Variants in FAM209A observed in about 807,000 individuals in gnomAD.
FAM209A encodes family with sequence similarity 209 member A, also known as protein FAM209A.
FAM209A carries 4 observed loss-of-function variants against 9.8 expected under a neutral mutation model. The observed-to-expected ratio is 0.41, with a 90% CI of 0.20 to 0.94. FAM209A has a LOEUF of 0.94. Among genes scored for constraint, FAM209A ranks in the 40% least tolerant of loss-of-function variants. The pLI is 0.32. For synonymous variants in FAM209A, 55 were observed against 77.8 expected (o/e 0.71, Z 1.54); for missense variants, 205 against 209.4 (o/e 0.98, Z 0.13).
chr20:56,533,068 G>A, the FAM209A span: 2 of 809,468 alleles, frequency 2.5e-6, no homozygotes, highest in Non-Finnish European at 3.0e-6. Context: ...CTCGAGGGTT[G>A]GAAAGAGTCC....
chr20:56,528,302 A>C (rs933785794), downstream of FAM209A, among the ~76,000 whole-genome samples: 1 of 151,066 alleles, frequency 6.6e-6, no homozygotes, highest in African/African-American at 2.4e-5. Flanking sequence ...AATAAAAATA[A>C]TGTTTGGGGG....
chr20:56,525,782 C>A (rs1358307675), intron 1 of FAM209A, 22 bp from the exon 2 acceptor site: 1 of 1,608,758 alleles, frequency 6.2e-7, no homozygotes, highest in South Asian at 1.1e-5. Context: ...ATATTACTGA[C>A]CTTGAGTATC....
the FAM209A span, among the ~76,000 whole-genome samples, chr20:56,531,298 TG>T: frequency 1.3e-5 from 2 of 148,852 alleles, no homozygotes; most frequent in African/African-American, 2.5e-5. Flanking sequence ...CTTCTTTCTT[TG>T]TTTTTTTTTT....
chr20:56,526,255 C>T, downstream of FAM209A: 1 of 793,256 alleles, frequency 1.3e-6, no homozygotes, highest in Non-Finnish European at 1.9e-6. Flanking sequence ...TTGCCTCTCT[C>T]ACGTCATCTA....
downstream of FAM209A, among the ~76,000 whole-genome samples, chr20:56,526,491 T>A (rs564111573): frequency 4.6e-5 from 7 of 152,140 alleles, no homozygotes; most frequent in Admixed American, 1.3e-4. Context: ...ATGATAGTTT[T>A]AAAATGGTAA....
chr20:56,524,970 C>T lies in FAM209A; in HGVS notation c.162C>T (p.Gly54=). 6.2e-7 allele frequency: 1 copy of T among 1,614,224 alleles called. No homozygotes were observed. Among genetic ancestry groups the T allele is most frequent in the Non-Finnish European group, 8.5e-7 (1 of 1,180,048 alleles). The change falls in exon 1 of 2, where the codon GGC becomes GGT. Residue 54 remains glycine (G), a synonymous_variant. Coordinates refer to ENST00000371328, the MANE Select transcript of FAM209A (RefSeq NM_001012971.4). ...AGAATCTACCAGAGCACACCCAAGGCTGGCTTGGGAGCAAATGGCTCTGGC... is the reference window on the plus strand; with the variant it reads ...AGAATCTACCAGAGCACACCCAAGGTTGGCTTGGGAGCAAATGGCTCTGGC... The part of the protein sequence containing the change: ...IRQNLPEHTQ[G]WLGSKWLWLL...
At chr20:56,531,376 G>A in the FAM209A span, among the ~76,000 whole-genome samples, 277 of 146,640 alleles carry the variant, frequency 1.9e-3, 3 homozygotes, top group African/African-American at 6.0e-3. Flanking sequence ...TCAGCTCACC[G>A]CAACCTCTGC....
downstream of FAM209A, among the ~76,000 whole-genome samples, chr20:56,530,523 A>G (rs1985706115): frequency 6.6e-6 from 1 of 152,018 alleles, no homozygotes; most frequent in Non-Finnish European, 1.5e-5. Context: ...TTAGAGACAG[A>G]GTCTTGCTCT....
downstream of FAM209A, among the ~76,000 whole-genome samples, chr20:56,526,660 A>AT (rs973869896): frequency 6.7e-6 from 1 of 149,368 alleles, no homozygotes; most frequent in Non-Finnish European, 1.5e-5. Context: ...AAAAAAAAAA[A>AT]GGGGGATGAG....
chr20:56,525,034 C>G lies in FAM209A; in HGVS notation c.226C>G (p.Gln76Glu). 1 of 1,614,140 alleles carries G rather than the reference C, an allele frequency of 6.2e-7. No homozygotes were observed. The highest frequency in any genetic ancestry group is 8.5e-7 in the Non-Finnish European group (1 of 1,180,036). The change falls in exon 1 of 2, where the codon CAA becomes GAA. Residue 76 changes from glutamine to glutamate, a missense_variant. Physicochemically the swap from Gln to Glu is conservative, Grantham distance 29. Coordinates refer to ENST00000371328, the MANE Select transcript of FAM209A (RefSeq NM_001012971.4). Reference protein sequence around the residue: ...VVVPFVILQCQRDSEKNKEQS... With the variant: ...VVVPFVILQCERDSEKNKEQS... The stretch of plus-strand genomic sequence containing the variant: ...TGTGCCGTTTGTGATACTGCAGTGT[C>G]AAAGAGACAGTGAGAAGAATAAGGT...
chr20:56,529,286 G>T (rs1346208417), downstream of FAM209A, among the ~76,000 whole-genome samples: 5 of 152,044 alleles, frequency 3.3e-5, no homozygotes, highest in Admixed American at 6.6e-5. Flanking sequence ...GGAGGCCAAG[G>T]TAGGCGGATC....
the FAM209A span, chr20:56,533,365 G>T: frequency 4.3e-6 from 7 of 1,613,994 alleles, no homozygotes; most frequent in African/African-American, 8.0e-5. Context: ...AATCGTCCCT[G>T]GTCCTGCTTC....
the FAM209A span, chr20:56,533,065 G>A: frequency 1.8e-5 from 14 of 774,668 alleles, no homozygotes; most frequent in Middle Eastern, 6.7e-4. Flanking sequence ...AAGCTCGAGG[G>A]TTGGAAAGAG....
the FAM209A span, chr20:56,533,372 C>T: frequency 6.2e-7 from 1 of 1,614,146 alleles, no homozygotes; most frequent in South Asian, 1.1e-5. Context: ...CCTGGTCCTG[C>T]TTCTGTGCCT....
the FAM209A span, among the ~76,000 whole-genome samples, chr20:56,532,013 T>C: frequency 6.8e-6 from 1 of 147,692 alleles, no homozygotes; most frequent in Non-Finnish European, 1.5e-5. Flanking sequence ...CCTGCTCTGT[T>C]GCCCAGACTG....
downstream of FAM209A, among the ~76,000 whole-genome samples, chr20:56,530,314 T>A (rs888885952): frequency 6.6e-6 from 1 of 152,156 alleles, no homozygotes; most frequent in African/African-American, 2.4e-5. Context: ...AGGGAAGAGT[T>A]TGCTCAAGTT....
chr20:56,526,280 G>A (rs1156964834), downstream of FAM209A: 3 of 616,732 alleles, frequency 4.9e-6, no homozygotes, highest in Non-Finnish European at 7.7e-6. Flanking sequence ...TGTGGGTGGT[G>A]AGAAGAACAC....
At chr20:56,532,940 T>C in the FAM209A span, among the ~76,000 whole-genome samples, 1 of 152,198 alleles carries the variant, frequency 6.6e-6, no homozygotes, top group Non-Finnish European at 1.5e-5. Flanking sequence ...TGTGGTTTAA[T>C]ATCTTTCTCT....
downstream of FAM209A, among the ~76,000 whole-genome samples, chr20:56,529,385 T>A (rs891389466): frequency 6.6e-6 from 1 of 151,290 alleles, no homozygotes; most frequent in African/African-American, 2.4e-5. Context: ...AGCATGGTGG[T>A]GGGTGCCTGT....
Sources: gnomAD v4.1 joint callset for allele counts (sites outside exome capture counted in the v4.1 genomes callset) on GRCh38, gnomAD v4.1.1 for gene constraint, MANE v1.5 for transcripts, NCBI Gene and HGNC (gene_info 2026-07-23, HGNC 2026-07-21) for gene names.